GPR158: variants seen among roughly 807,000 people sequenced by gnomAD.
GPR158 encodes G protein-coupled receptor 158, also known as metabotropic glycine receptor.
In GPR158, 30 loss-of-function variants were observed where a neutral mutation model predicts 78.2. The ratio of observed to expected loss-of-function variants is 0.38; its 90% CI spans 0.29 to 0.52. The LOEUF (loss-of-function observed/expected upper bound fraction) is 0.52, where lower values mean the gene tolerates loss of function less well. Ranked by LOEUF, GPR158 falls within the 20% of genes least tolerant of loss-of-function variation. The pLI, the probability that GPR158 is intolerant of heterozygous loss-of-function variation, is 0.83. For synonymous variants in GPR158, 581 were observed against 591.1 expected (o/e 0.98, Z 0.25); for missense variants, 1,463 against 1,523.5 (o/e 0.96, Z 0.66).
At chr10:25,185,524 T>A (rs1233814054) in intron 1 of GPR158, among the ~76,000 whole-genome samples, 1 of 152,128 alleles carries the variant, frequency 6.6e-6, no homozygotes, top group African/African-American at 2.4e-5. Context: ...AAAGATGAAT[T>A]TTGAAGGGAA....
At chr10:25,393,430 T>C (rs969266337) in intron 2 of GPR158, 2 of 152,250 alleles carry the variant, frequency 1.3e-5, no homozygotes, top group Non-Finnish European at 2.9e-5. Context: ...GCTGGATGAA[T>C]ATTTAGTAAA....
intron 7 of GPR158, among the ~76,000 whole-genome samples, chr10:25,580,972 CGG>C (rs2130740117): frequency 1.6e-5 from 2 of 126,680 alleles, no homozygotes; most frequent in African/African-American, 6.3e-5. Context: ...GGCCAGACTG[CGG>C]ACTGCAGTGG....
At chr10:25,452,606 A>G (rs1043447252) in intron 4 of GPR158, among the ~76,000 whole-genome samples, 1 of 152,162 alleles carries the variant, frequency 6.6e-6, no homozygotes, top group African/African-American at 2.4e-5. Flanking sequence ...ATCTACTCAT[A>G]TATCTTGTCT....
At chr10:25,473,813 C>T (rs1379494672) in intron 5 of GPR158, among the ~76,000 whole-genome samples, 1 of 152,048 alleles carries the variant, frequency 6.6e-6, no homozygotes, top group African/African-American at 2.4e-5. Flanking sequence ...TTTCTACTCT[C>T]CAACCACCCT....
chr10:25,227,968 T>C (rs765612031), intron 2 of GPR158, among the ~76,000 whole-genome samples: 108 of 152,246 alleles, frequency 7.1e-4, no homozygotes, highest in Non-Finnish European at 1.2e-3. Flanking sequence ...TTGGTAGGAA[T>C]GCAAATGTTT....
intron 2 of GPR158, among the ~76,000 whole-genome samples, chr10:25,320,458 G>T (rs917070237): frequency 6.6e-6 from 1 of 152,208 alleles, no homozygotes; most frequent in Non-Finnish European, 1.5e-5. Context: ...GTTTTAGCCA[G>T]CTGGGCTGTT....
intron 1 of GPR158, among the ~76,000 whole-genome samples, chr10:25,200,861 TTGTTTTG>T: frequency 7.2e-6 from 1 of 138,250 alleles, no homozygotes; most frequent in Non-Finnish European, 1.5e-5. Flanking sequence ...TATCTGTTTT[TTGTTTTG>T]TTTTTTTTTT....
Position 25,315,890 on chromosome 10 carries a change from T to A in GPR158, c.1009-80021T>A, listed in dbSNP as rs79024601. On this transcript the variant is annotated intron_variant, in intron 2 of 10. Coordinates refer to ENST00000376351, the MANE Select transcript of GPR158 (RefSeq NM_020752.3). ...GTCAGATTTTAATTGTTTCCTTTGATGTATTGTTTGTAGATTGCTAAAGAA... is the reference window on the plus strand; with the variant it reads ...GTCAGATTTTAATTGTTTCCTTTGAAGTATTGTTTGTAGATTGCTAAAGAA... 5.7e-3 allele frequency among the ~76,000 whole-genome samples: 866 copies of A among 152,284 alleles called. 8 individuals are homozygous for A. The highest frequency in any genetic ancestry group is 0.02 in the African/African-American group (826 of 41,570).
At chr10:25,554,824 T>C (rs1588910223) in intron 6 of GPR158, among the ~76,000 whole-genome samples, 2 of 152,158 alleles carry the variant, frequency 1.3e-5, no homozygotes, top group East Asian at 3.9e-4. Flanking sequence ...GAATCACCAG[T>C]ATATGGTGAT....
chr10:25,211,162 T>A (rs1467230228), intron 1 of GPR158, among the ~76,000 whole-genome samples: 2 of 152,000 alleles, frequency 1.3e-5, no homozygotes, highest in Non-Finnish European at 2.9e-5. Context: ...AACAGAATTT[T>A]AAAAAATTTC....
At chr10:25,260,168 T>G (rs1853948489) in intron 2 of GPR158, among the ~76,000 whole-genome samples, 1 of 152,304 alleles carries the variant, frequency 6.6e-6, no homozygotes, top group Admixed American at 6.5e-5. Context: ...CGATAGATTT[T>G]TTTGTTTGTT....
At chr10:25,502,085 T>G (rs1023505194) in intron 5 of GPR158, among the ~76,000 whole-genome samples, 1 of 152,108 alleles carries the variant, frequency 6.6e-6, no homozygotes, top group African/African-American at 2.4e-5. Context: ...CCTGGAAGAT[T>G]ACAGGCTCTA....
At chr10:25,408,543 G>C (rs909111839) in intron 3 of GPR158, among the ~76,000 whole-genome samples, 1 of 152,130 alleles carries the variant, frequency 6.6e-6, no homozygotes, top group Non-Finnish European at 1.5e-5. Flanking sequence ...TGACACTGTA[G>C]TCACCATCCT....
rs1025288765 is a variant in GPR158, at chr10:25,600,394, G to T, written c.*1120G>T. 1 of 152,178 alleles carries T rather than the reference G, an allele frequency of 6.6e-6. No individual in the cohort carries two copies. The highest frequency in any genetic ancestry group is 2.4e-5 in the African/African-American group (1 of 41,328). The allele number at this position is 152,178 out of a possible 1,614,324, so 9.4% of individuals were successfully genotyped here. On this transcript the variant is annotated 3_prime_UTR_variant, in exon 11 of 11. Coordinates refer to ENST00000376351, the MANE Select transcript of GPR158 (RefSeq NM_020752.3). ...AGGGAAGACTCTAGGGATGACATAA[G>T]AATTATAGCAGTACTATAAACCCAG... is the stretch of plus-strand genomic sequence containing the variant.
At chr10:25,477,922 A>G (rs989708352) in intron 5 of GPR158, among the ~76,000 whole-genome samples, 1 of 152,110 alleles carries the variant, frequency 6.6e-6, no homozygotes, top group African/African-American at 2.4e-5. Flanking sequence ...TTTCTCTTCT[A>G]TAGTGTAGGT....
intron 2 of GPR158, among the ~76,000 whole-genome samples, chr10:25,297,029 A>G (rs1439635480): frequency 6.6e-6 from 1 of 152,224 alleles, no homozygotes; most frequent in Admixed American, 6.5e-5. Flanking sequence ...TGTGTCCTGC[A>G]ACAGGGGCTT....
chr10:25,185,627 T>C (rs1475707345), intron 1 of GPR158, among the ~76,000 whole-genome samples: 3 of 152,128 alleles, frequency 2.0e-5, no homozygotes, highest in African/African-American at 7.2e-5. Flanking sequence ...ATCGAGACTA[T>C]CCTGGCTAAC....
chr10:25,216,107 C>G (rs1362783242), intron 1 of GPR158, among the ~76,000 whole-genome samples: 1 of 152,164 alleles, frequency 6.6e-6, no homozygotes, highest in Non-Finnish European at 1.5e-5. Context: ...TTAGCTTTTG[C>G]TTGTTCCCAA....
Position 25,421,117 on chromosome 10 carries a change from G to A in GPR158, c.1335+8644G>A, listed in dbSNP as rs533993071. On this transcript the variant is annotated intron_variant, in intron 4 of 10. Coordinates refer to ENST00000376351, the MANE Select transcript of GPR158 (RefSeq NM_020752.3). ...ACACAAAATATCTTTCTACTTATAT[G>A]TGTCTTTCATTTTGCTTAGTAATGT... 2.6e-5 allele frequency among the ~76,000 whole-genome samples: 4 copies of A among 152,206 alleles called. No homozygotes were observed. In the East Asian group the frequency reaches 7.7e-4, roughly 29 times the overall value.
Sources: gnomAD v4.1 joint callset for allele counts (sites outside exome capture counted in the v4.1 genomes callset) on GRCh38, gnomAD v4.1.1 for gene constraint, MANE v1.5 for transcripts, NCBI Gene and HGNC (gene_info 2026-07-23, HGNC 2026-07-21) for gene names.